BICD1: variants seen among roughly 807,000 people sequenced by gnomAD.
BICD1 encodes BICD cargo adaptor 1.
A neutral mutation model predicts 92.5 loss-of-function variants in BICD1; 35 were observed. That is an observed-to-expected ratio of 0.38 (90% CI 0.29 to 0.50). The LOEUF (loss-of-function observed/expected upper bound fraction) is 0.50, where lower values mean the gene tolerates loss of function less well. Among genes scored for constraint, BICD1 ranks in the 20% least tolerant of loss-of-function variants. BICD1 has a pLI of 0.93. For synonymous variants in BICD1, 429 were observed against 465.1 expected (o/e 0.92, Z 1.00); for missense variants, 950 against 1,189.8 (o/e 0.80, Z 2.97).
chr12:32,196,422 G>A (rs942796603), intron 1 of BICD1, among the ~76,000 whole-genome samples: 8 of 152,188 alleles, frequency 5.3e-5, no homozygotes, highest in African/African-American at 7.2e-5. Context: ...AAAATGTGGT[G>A]TGTATACACA....
chr12:32,232,473 A>C (rs1227921225), intron 2 of BICD1, among the ~76,000 whole-genome samples: 3 of 150,242 alleles, frequency 2.0e-5, no homozygotes, highest in African/African-American at 7.4e-5. Flanking sequence ...AGTTCATTGC[A>C]GATTCTGGAT....
At chr12:32,239,268 AAAG>A (rs1253965003) in intron 2 of BICD1, among the ~76,000 whole-genome samples, 1 of 144,186 alleles carries the variant, frequency 6.9e-6, no homozygotes, top group East Asian at 2.1e-4. Context: ...AAAAAAAAGA[AAAG>A]AAAGGAAATT....
chr12:32,187,547 C>G (rs1452691794), intron 1 of BICD1, among the ~76,000 whole-genome samples: 1 of 152,092 alleles, frequency 6.6e-6, no homozygotes, highest in South Asian at 2.1e-4. Flanking sequence ...TGGCGCGCTC[C>G]TATAATCCCA....
chr12:32,321,219 G>A (rs1038424508), intron 4 of BICD1, among the ~76,000 whole-genome samples: 9 of 152,010 alleles, frequency 5.9e-5, no homozygotes, highest in Non-Finnish European at 1.0e-4. Flanking sequence ...CCAACTACTC[G>A]GGAGGCTGAG....
intron 1 of BICD1, among the ~76,000 whole-genome samples, chr12:32,174,777 C>T (rs547323733): frequency 6.6e-6 from 1 of 152,052 alleles, no homozygotes; most frequent in East Asian, 1.9e-4. Context: ...TGGTTATTTC[C>T]AGATCTTTAC....
At chr12:32,352,140 G>A (rs1436376799) in intron 8 of BICD1, among the ~76,000 whole-genome samples, 1 of 152,130 alleles carries the variant, frequency 6.6e-6, no homozygotes, top group Non-Finnish European at 1.5e-5. Context: ...GGGAGGTGGA[G>A]GTTGCAGTGA....
In BICD1 at chr12:32,377,956, T is replaced by G. The variant is rs765949360; in HGVS notation, c.*329T>G. Reference sequence around the variant, plus strand: ...GATAGCATAAGAGAGACCTAAGACATGTAAAATACGTATATTGCAGTATCA... The same window carrying G: ...GATAGCATAAGAGAGACCTAAGACAGGTAAAATACGTATATTGCAGTATCA... On this transcript the variant is annotated 3_prime_UTR_variant, in exon 10 of 10. Transcript: ENST00000652176. 4.8e-6 allele frequency: 1 copy of G among 207,944 alleles called. No individual in the cohort carries two copies. The highest frequency in any genetic ancestry group is 9.8e-6 in the Non-Finnish European group (1 of 102,520). 12.9% of individuals were successfully genotyped at this position (207,944 alleles called of 1,614,324 possible).
At chr12:32,300,946 C>A (rs1209650515) in intron 3 of BICD1, among the ~76,000 whole-genome samples, 1 of 152,102 alleles carries the variant, frequency 6.6e-6, no homozygotes, top group South Asian at 2.1e-4. Flanking sequence ...TCACTGCGCC[C>A]GGCCCAACTT....
chr12:32,115,386 G>GTTTTTTTTTTTTTTTTTTT (rs149711623), intron 1 of BICD1, among the ~76,000 whole-genome samples: 4 of 97,744 alleles, frequency 4.1e-5, no homozygotes, highest in Admixed American at 9.5e-5. Context: ...TGGTGTTTTT[G>GTTTTTTTTTTTTTTTTTTT]GTTTTTTTTT....
chr12:32,329,102 A>ATT (rs144841669), intron 5 of BICD1, among the ~76,000 whole-genome samples: 1 of 151,454 alleles, frequency 6.6e-6, no homozygotes, highest in Non-Finnish European at 1.5e-5. Context: ...TATTATTATT[A>ATT]TTATTTTTTA....
intron 1 of BICD1, among the ~76,000 whole-genome samples, chr12:32,120,892 AG>A (rs1210706062): frequency 1.2e-3 from 39 of 31,254 alleles, no homozygotes; most frequent in African/African-American, 0.011. Context: ...AGAGAGAGAG[AG>A]AGAAAAAAAA....
rs1388995673 is a variant in BICD1, at chr12:32,327,925, G to C, written c.1470G>C (p.Met490Ile). ...ACATGGAGAAGGAGTTGCAAAAGATGACCAGCATAGCCAACGAAAATCACA... is the reference window on the plus strand; with the variant it reads ...ACATGGAGAAGGAGTTGCAAAAGATCACCAGCATAGCCAACGAAAATCACA... ...MAHMEKELQKMTSIANENHST... is the reference protein window; with the variant it reads ...MAHMEKELQKITSIANENHST... The change falls in exon 5 of 10, where the codon ATG becomes ATC. Residue 490 changes from methionine to isoleucine, a missense_variant. This residue lies in a region of BICD1 where 309 missense variants were observed against 499.4 expected (regional missense o/e 0.62). Coordinates refer to ENST00000652176, the MANE Select transcript of BICD1 (RefSeq NM_001714.4). The C allele has an allele frequency of 2.5e-6, 4 of 1,614,112 alleles. No homozygotes were observed. Among genetic ancestry groups the C allele is most frequent in the Non-Finnish European group, 3.4e-6 (4 of 1,180,026 alleles).
intron 2 of BICD1, among the ~76,000 whole-genome samples, chr12:32,219,011 CT>C (rs1447260341): frequency 1.3e-5 from 2 of 152,014 alleles, no homozygotes; most frequent in Non-Finnish European, 2.9e-5. Flanking sequence ...ATTTGATTTC[CT>C]TTTAGGCTCA....
At chr12:32,190,118 TAAAG>T (rs1450582981) in intron 1 of BICD1, among the ~76,000 whole-genome samples, 1 of 151,584 alleles carries the variant, frequency 6.6e-6, no homozygotes, top group Admixed American at 6.6e-5. Flanking sequence ...ACACAGAAGA[TAAAG>T]AAATGAATCA....
At chr12:32,153,625 G>T (rs991140967) in intron 1 of BICD1, among the ~76,000 whole-genome samples, 1 of 152,036 alleles carries the variant, frequency 6.6e-6, no homozygotes, top group Non-Finnish European at 1.5e-5. Flanking sequence ...GCATGATGGC[G>T]TGCACCTGTA....
chr12:32,194,743 C>T (rs945421976), intron 1 of BICD1, among the ~76,000 whole-genome samples: 6 of 151,890 alleles, frequency 4.0e-5, no homozygotes, highest in East Asian at 1.9e-4. Context: ...ATTAGCCGGG[C>T]GTGGTGGCGC....
At chr12:32,341,425 C>T in intron 8 of BICD1, among the ~76,000 whole-genome samples, 1 of 148,648 alleles carries the variant, frequency 6.7e-6, no homozygotes, top group East Asian at 2.0e-4. Flanking sequence ...GATCGCACCA[C>T]TACACTCCAG....
At chr12:32,183,890 G>A (rs986720476) in intron 1 of BICD1, among the ~76,000 whole-genome samples, 10 of 152,142 alleles carry the variant, frequency 6.6e-5, no homozygotes, top group African/African-American at 2.2e-4. Context: ...TTGCTAGGGG[G>A]AGGGTGCTAA....
chr12:32,246,976 G>A (rs1160930734), intron 2 of BICD1, among the ~76,000 whole-genome samples: 1 of 152,094 alleles, frequency 6.6e-6, no homozygotes, highest in Non-Finnish European at 1.5e-5. Flanking sequence ...TGCCTGTTAT[G>A]GTCAGGCACC....
Sources: allele counts gnomAD v4.1 joint callset (sites outside exome capture counted in the v4.1 genomes callset), GRCh38; gene constraint gnomAD v4.1.1; regional missense constraint gnomAD v4.1.1; transcripts MANE v1.5; gene names NCBI Gene and HGNC (gene_info 2026-07-23, HGNC 2026-07-21).